The following KCNIP4 variants were observed in gnomAD, a reference collection of about 807,000 sequenced individuals.
The protein encoded by KCNIP4 is potassium voltage-gated channel interacting protein 4.
A neutral mutation model predicts 34.0 loss-of-function variants in KCNIP4; 12 were observed. The ratio of observed to expected loss-of-function variants is 0.35; its 90% confidence interval spans 0.23 to 0.57. KCNIP4 has a LOEUF of 0.57. Ranked by LOEUF, KCNIP4 falls within the 20% of genes least tolerant of loss-of-function variation. The pLI, the probability that KCNIP4 is intolerant of heterozygous loss-of-function variation, is 0.83. For synonymous variants in KCNIP4, 124 were observed against 102.2 expected (o/e 1.21, Z -1.29); for missense variants, 238 against 311.7 (o/e 0.76, Z 1.78).
chr4:21,449,802 A>G (rs553655831), intron 1 of KCNIP4, among the ~76,000 whole-genome samples: 1 of 152,028 alleles, frequency 6.6e-6, no homozygotes, highest in African/African-American at 2.4e-5. Flanking sequence ...GGTGCTCACA[A>G]ATGTTTTTCA....
intron 1 of KCNIP4, among the ~76,000 whole-genome samples, chr4:21,740,453 T>G (rs1716316554): frequency 1.3e-5 from 2 of 152,156 alleles, no homozygotes; most frequent in Admixed American, 6.5e-5. Flanking sequence ...CATAAATAAT[T>G]ATTAATCATA....
chr4:20,746,583 T>C (rs1206724185), intron 5 of KCNIP4, among the ~76,000 whole-genome samples: 4 of 152,100 alleles, frequency 2.6e-5, no homozygotes, highest in African/African-American at 9.7e-5. Flanking sequence ...ACTGAGCACA[T>C]ATTTGGTGCC....
chr4:21,004,649 C>T (rs1017951265), intron 1 of KCNIP4, among the ~76,000 whole-genome samples: 1 of 152,152 alleles, frequency 6.6e-6, no homozygotes, highest in Non-Finnish European at 1.5e-5. Flanking sequence ...GAGGGAAAGC[C>T]TTGTGTCAAA....
rs566875252 is a variant in KCNIP4 at position 20,815,072 on chromosome 4, T to C, written c.288+35471A>G. ...CTTTAATGAATGGTAGTTAAAATGA[T>C]TATTATTGCTACTACTGGCTGATCA... is the stretch of plus-strand genomic sequence containing the variant. On this transcript the variant is annotated intron_variant, in intron 3 of 8. Coordinates refer to ENST00000382152, the MANE Select transcript of KCNIP4 (RefSeq NM_025221.6). Among the ~76,000 whole-genome samples, 7 of 152,272 alleles carry C rather than the reference T, an allele frequency of 4.6e-5. No homozygotes were observed. In the South Asian group the frequency reaches 1.5e-3, roughly 32 times the overall value.
intron 1 of KCNIP4, among the ~76,000 whole-genome samples, chr4:21,027,263 C>T (rs1184644098): frequency 6.6e-6 from 1 of 152,056 alleles, no homozygotes; most frequent in Non-Finnish European, 1.5e-5. Context: ...GGCACATGGC[C>T]ACACGTATTT....
chr4:21,782,823 A>G (rs1336680380), intron 1 of KCNIP4, among the ~76,000 whole-genome samples: 1 of 152,230 alleles, frequency 6.6e-6, no homozygotes, highest in East Asian at 1.9e-4. Flanking sequence ...CTGCCATGAA[A>G]TAAAATTCAG....
At chr4:21,545,745 T>C (rs1157349252) in intron 1 of KCNIP4, among the ~76,000 whole-genome samples, 3 of 152,196 alleles carry the variant, frequency 2.0e-5, no homozygotes, top group African/African-American at 7.2e-5. Context: ...TAGTATTCCA[T>C]GGTGTATATG....
At chr4:21,637,744 T>C (rs1048472197) in intron 1 of KCNIP4, among the ~76,000 whole-genome samples, 3 of 144,668 alleles carry the variant, frequency 2.1e-5, no homozygotes, top group Non-Finnish European at 4.5e-5. Flanking sequence ...GATCCTGCCA[T>C]TGCACTCCAG....
At chr4:21,913,566 T>C (rs1201131948) in intron 1 of KCNIP4, among the ~76,000 whole-genome samples, 1 of 152,114 alleles carries the variant, frequency 6.6e-6, no homozygotes, top group African/African-American at 2.4e-5. Flanking sequence ...ATTTCAGATA[T>C]TTTGTTATAG....
At chr4:21,885,444 G>A (rs1726710745) in intron 1 of KCNIP4, among the ~76,000 whole-genome samples, 1 of 152,004 alleles carries the variant, frequency 6.6e-6, no homozygotes, top group Non-Finnish European at 1.5e-5. Flanking sequence ...TTCATTTCTT[G>A]ACCCTTGATC....
chr4:21,379,728 T>C (rs1721303618), intron 1 of KCNIP4, among the ~76,000 whole-genome samples: 1 of 152,202 alleles, frequency 6.6e-6, no homozygotes, highest in South Asian at 2.1e-4. Context: ...AAACAGTTCC[T>C]GTATTAGCCA....
chr4:21,781,824 G>T (rs995634726), intron 1 of KCNIP4, among the ~76,000 whole-genome samples: 5 of 152,010 alleles, frequency 3.3e-5, no homozygotes, highest in African/African-American at 1.2e-4. Context: ...GAGTAAATGG[G>T]CTTAAAGAGA....
rs147347769 is a variant in KCNIP4, at chr4:21,370,029, G to A, written c.62-487320C>T. ...TTTTTATTAGAGACGGGGTTTCACC[G>A]TGTTAGCCAGGATGGTCTCGACCTC... On this transcript the variant is annotated intron_variant, in intron 1 of 8. Coordinates refer to ENST00000382152, the MANE Select transcript of KCNIP4 (RefSeq NM_025221.6). 1.5e-3 allele frequency among the ~76,000 whole-genome samples: 215 copies of A among 146,840 alleles called. 35 individuals are homozygous for A. Among genetic ancestry groups the A allele is most frequent in the African/African-American group, 5.4e-3 (197 of 36,594 alleles).
intron 2 of KCNIP4, among the ~76,000 whole-genome samples, chr4:20,869,134 G>A (rs1174735651): frequency 6.6e-6 from 1 of 152,090 alleles, no homozygotes; most frequent in Non-Finnish European, 1.5e-5. Flanking sequence ...GTTTGGATAA[G>A]CATAGTTATA....
intron 1 of KCNIP4, among the ~76,000 whole-genome samples, chr4:21,505,272 GAA>G (rs5856639): frequency 4.9e-4 from 71 of 145,020 alleles, no homozygotes; most frequent in East Asian, 2.4e-3. Flanking sequence ...AGTACTACAG[GAA>G]AAAAAAAAAA....
chr4:21,066,462 C>T (rs1307529227), intron 1 of KCNIP4, among the ~76,000 whole-genome samples: 1 of 152,140 alleles, frequency 6.6e-6, no homozygotes, highest in Admixed American at 6.5e-5. Flanking sequence ...GAAAGAGGCA[C>T]TGAAGAGGGT....
intron 1 of KCNIP4, among the ~76,000 whole-genome samples, chr4:21,683,912 G>A (rs1035835616): frequency 1.3e-5 from 2 of 152,024 alleles, no homozygotes; most frequent in Admixed American, 1.3e-4. Flanking sequence ...ACTTCTAAGT[G>A]GGAGCTAAAT....
At chr4:21,537,572 T>C (rs985220491) in intron 1 of KCNIP4, among the ~76,000 whole-genome samples, 11 of 152,202 alleles carry the variant, frequency 7.2e-5, no homozygotes, top group Admixed American at 5.9e-4. Flanking sequence ...ATAGTGTTCC[T>C]TAAAATTTCG....
At chr4:20,864,194 ATG>A (rs1387991336) in intron 2 of KCNIP4, among the ~76,000 whole-genome samples, 5 of 95,782 alleles carry the variant, frequency 5.2e-5, no homozygotes, top group South Asian at 8.4e-4. Flanking sequence ...ATGCGTACAT[ATG>A]TATGTACACA....
Sources: gnomAD v4.1 joint callset for allele counts (sites outside exome capture counted in the v4.1 genomes callset) on GRCh38, gnomAD v4.1.1 for gene constraint, MANE v1.5 for transcripts, NCBI Gene and HGNC (gene_info 2026-07-23, HGNC 2026-07-21) for gene names.